Variants in FBRSL1 observed in about 807,000 individuals in gnomAD.
FBRSL1 encodes fibrosin-1-like protein.
In FBRSL1, 51 loss-of-function variants were observed where a neutral mutation model predicts 89.6. The observed-to-expected ratio is 0.57, with a 90% CI of 0.45 to 0.72. The LOEUF is 0.72. Among genes scored for constraint, FBRSL1 ranks in the 30% least tolerant of loss-of-function variants. FBRSL1 has a pLI of 0.00. For synonymous variants in FBRSL1, 779 were observed against 681.1 expected, an observed-to-expected ratio of 1.14 and a Z score of -2.24; for missense variants, 1,618 against 1,451.8, an observed-to-expected ratio of 1.11 and a Z score of -1.86.
At position 132,549,736 on chromosome 12, in the gene FBRSL1, G is replaced by A. The variant is rs577823468; in HGVS notation, c.645+1704G>A. On this transcript the variant is annotated intron_variant, in intron 5 of 18. Coordinates refer to ENST00000680143, the MANE Select transcript of FBRSL1 (RefSeq NM_001367871.1). ...ATGCCGGCGGGGAAGGCTGACAGCC[G>A]CCCCCATAACTGCACGCCCCCCATG... Among the ~76,000 whole-genome samples, 20 of 152,218 alleles carry A rather than the reference G, an allele frequency of 1.3e-4. No individual in the cohort carries two copies. The East Asian group carries it at 3.1e-3, about 24-fold the overall frequency.
At chr12:132,496,484 G>T (rs577670283) in intron 1 of FBRSL1, among the ~76,000 whole-genome samples, 1 of 152,314 alleles carries the variant, frequency 6.6e-6, no homozygotes, top group Admixed American at 6.5e-5. Context: ...TTTCTGGCTG[G>T]TTGTTGCTGT....
At chr12:132,559,790 A>G (rs1309033019) in intron 5 of FBRSL1, among the ~76,000 whole-genome samples, 3 of 152,084 alleles carry the variant, frequency 2.0e-5, no homozygotes, top group Admixed American at 6.5e-5. Context: ...CAGCGCCCAC[A>G]CAGCGCTCAG....
chr12:132,534,646 T>A (rs550146378), intron 4 of FBRSL1, among the ~76,000 whole-genome samples: 1 of 152,352 alleles, frequency 6.6e-6, no homozygotes, highest in African/African-American at 2.4e-5. Flanking sequence ...GGCTCCTCCA[T>A]GCTGCACTGT....
intron 2 of FBRSL1, among the ~76,000 whole-genome samples, chr12:132,515,530 CAAA>C (rs71274843): frequency 7.8e-6 from 1 of 128,368 alleles, no homozygotes. Context: ...CTTAAGAAAC[CAAA>C]AAAAAAAAAA....
intron 1 of FBRSL1, among the ~76,000 whole-genome samples, chr12:132,496,927 C>T (rs990558099): frequency 2.0e-5 from 3 of 151,976 alleles, no homozygotes; most frequent in Admixed American, 6.6e-5. Context: ...CGCTGCCCCG[C>T]GCTTCCTTCC....
intron 8 of FBRSL1, 120 bp downstream of exon 8, chr12:132,570,660 G>A (rs1389402725): frequency 1.4e-5 from 13 of 909,338 alleles, no homozygotes; most frequent in South Asian, 5.9e-5. Flanking sequence ...GACCCTGCGC[G>A]CCTCTCTGAG....
intron 1 of FBRSL1, among the ~76,000 whole-genome samples, chr12:132,492,342 C>T (rs973676829): frequency 3.9e-5 from 6 of 152,192 alleles, no homozygotes; most frequent in African/African-American, 1.2e-4. Flanking sequence ...CCCCCACCCC[C>T]GTCGACGTTG....
chr12:132,560,329 C>T (rs2039009331), intron 5 of FBRSL1: 3 of 152,162 alleles, frequency 2.0e-5, no homozygotes, highest in East Asian at 3.9e-4. Flanking sequence ...CGCCCGAGAT[C>T]TCCGGGCCTT....
Position 132,582,205 on chromosome 12 carries a change from C to T in FBRSL1, c.2140C>T (p.Arg714Trp), listed in dbSNP as rs377219038. 5.0e-5 allele frequency: 78 copies of T among 1,550,170 alleles called. No homozygotes were observed. The African/African-American group carries it at 7.4e-4, about 15-fold the overall frequency. Residue 714 changes from arginine (R) to tryptophan (W), a missense_variant, in exon 18 of 19, where the codon CGG becomes TGG. Transcript: ENST00000680143. ...GTGGCCCAAGTCCGTGGACGCGGAGCGGGTGTCAGCCCTGACCAACCATGA... is the reference window on the plus strand; with the variant it reads ...GTGGCCCAAGTCCGTGGACGCGGAGTGGGTGTCAGCCCTGACCAACCATGA... ...PPWPKSVDAERVSALTNHDRE... is the reference protein window; with the variant it reads ...PPWPKSVDAEWVSALTNHDRE...
At chr12:132,564,554 G>C (rs537178910) in intron 5 of FBRSL1, among the ~76,000 whole-genome samples, 3 of 100,042 alleles carry the variant, frequency 3.0e-5, no homozygotes, top group African/African-American at 1.8e-4. Context: ...GGAGTCCAGT[G>C]GTACGATCTC....
chr12:132,540,683 C>T (rs2037183973), intron 4 of FBRSL1, among the ~76,000 whole-genome samples: 1 of 152,144 alleles, frequency 6.6e-6, no homozygotes, highest in Non-Finnish European at 1.5e-5. Context: ...GGCGCCTGCT[C>T]TGGGCTCAAC....
chr12:132,568,329 C>T (rs1438317092), intron 6 of FBRSL1, among the ~76,000 whole-genome samples: 1 of 152,256 alleles, frequency 6.6e-6, no homozygotes, highest in Non-Finnish European at 1.5e-5. Flanking sequence ...CCAATGCCGG[C>T]AAGGATGGGC....
chr12:132,541,503 C>T lies in FBRSL1; in HGVS notation c.616-6500C>T, dbSNP rs2037268601. 2.6e-5 allele frequency among the ~76,000 whole-genome samples: 4 copies of T among 152,128 alleles called. No homozygotes were observed. In the South Asian group the frequency reaches 8.3e-4, roughly 31 times the overall value. ...CACAAGTGGCTCCCACCTGGCGGTG[C>T]CCCCCCAGGCAGCCCAGTTCTGCCC... On this transcript the variant is annotated intron_variant, in intron 4 of 18. Coordinates refer to ENST00000680143, the MANE Select transcript of FBRSL1 (RefSeq NM_001367871.1).
At chr12:132,511,087 TAGTC>T (rs1156686212) in intron 2 of FBRSL1, 8 of 985,502 alleles carry the variant, frequency 8.1e-6, no homozygotes, top group East Asian at 1.1e-4. Flanking sequence ...CTCCCCCTGG[TAGTC>T]AGGAGGTGCT....
chr12:132,512,009 C>G, intron 2 of FBRSL1: 2 of 985,470 alleles, frequency 2.0e-6, no homozygotes, highest in African/African-American at 3.5e-5. Context: ...TTTATTCCCA[C>G]AAAGGGCTTT....
At chr12:132,517,026 G>A (rs1452002164) in intron 2 of FBRSL1, among the ~76,000 whole-genome samples, 1 of 152,248 alleles carries the variant, frequency 6.6e-6, no homozygotes, top group African/African-American at 2.4e-5. Context: ...CCTGGGCCCA[G>A]CCTGGCTGGT....
intron 9 of FBRSL1, chr12:132,571,512 C>T (rs1217086590): frequency 4.8e-5 from 74 of 1,529,750 alleles, no homozygotes; most frequent in Non-Finnish European, 5.3e-5. Flanking sequence ...CGCCGCCCGC[C>T]GCACCCCCGC....
intron 1 of FBRSL1, among the ~76,000 whole-genome samples, chr12:132,500,022 G>A (rs527316011): frequency 1.3e-5 from 2 of 152,252 alleles, no homozygotes; most frequent in African/African-American, 2.4e-5. Flanking sequence ...CTCCACGCCC[G>A]TCTTCCCGGC....
chr12:132,493,867 G>C (rs2031546554), intron 1 of FBRSL1, among the ~76,000 whole-genome samples: 1 of 152,226 alleles, frequency 6.6e-6, no homozygotes, highest in African/African-American at 2.4e-5. Flanking sequence ...CTAAATGGTG[G>C]TGGTGGTGGT....
Sources: gnomAD v4.1 joint callset for allele counts (sites outside exome capture counted in the v4.1 genomes callset) on GRCh38, gnomAD v4.1.1 for gene constraint, MANE v1.5 for transcripts, NCBI Gene and HGNC (gene_info 2026-07-23, HGNC 2026-07-21) for gene names.